SV2C: variants seen among roughly 807,000 people sequenced by gnomAD.
The protein encoded by SV2C is synaptic vesicle glycoprotein 2C.
SV2C carries 49 observed loss-of-function variants against 79.7 expected under a neutral mutation model. The ratio of observed to expected loss-of-function variants is 0.61; its 90% CI spans 0.49 to 0.78. SV2C has a LOEUF of 0.78. Among genes scored for constraint, SV2C ranks in the 30% least tolerant of loss-of-function variants. The pLI, the probability that SV2C is intolerant of heterozygous loss-of-function variation, is 0.00. For missense variants in SV2C, 833 were observed against 912.9 expected (o/e 0.91, Z 1.13); for synonymous variants, 334 against 333.2 (o/e 1.00, Z -0.03).
chr5:75,954,387 G>A, the SV2C span, among the ~76,000 whole-genome samples: 1 of 151,862 alleles, frequency 6.6e-6, no homozygotes, highest in Admixed American at 6.6e-5. Flanking sequence ...TTATTATTTT[G>A]AAATACGTCC....
chr5:75,929,357 C>T, the SV2C span, among the ~76,000 whole-genome samples: 1 of 152,032 alleles, frequency 6.6e-6, no homozygotes. Context: ...CCAGCCCAGC[C>T]CCCTTCCAGA....
At chr5:75,970,639 C>A in the SV2C span, among the ~76,000 whole-genome samples, 2 of 152,160 alleles carry the variant, frequency 1.3e-5, 1 homozygote, top group African/African-American at 4.8e-5. Context: ...AGCTGAATCT[C>A]TGATTAGACC....
At chr5:76,258,665 C>G (rs745619098) in intron 4 of SV2C, among the ~76,000 whole-genome samples, 1 of 152,052 alleles carries the variant, frequency 6.6e-6, no homozygotes, top group Non-Finnish European at 1.5e-5. Context: ...TTGTTGTTAT[C>G]GCACCACTCT....
Position 76,327,221 on chromosome 5 carries a change from G to A in SV2C, c.*1674G>A, listed in dbSNP as rs1027689821. 3 of 151,912 alleles carry A rather than the reference G, an allele frequency of 2.0e-5. No homozygotes were observed. The highest frequency in any genetic ancestry group is 2.9e-5 in the Non-Finnish European group (2 of 68,032). The allele number at this position is 151,912 out of a possible 1,614,324, so 9.4% of individuals were successfully genotyped here. A position where few individuals can be genotyped will look rare whatever the true frequency, so the allele number is the denominator to read the frequency against. On this transcript the variant is annotated 3_prime_UTR_variant, in exon 13 of 13. Transcript: ENST00000502798. ...CTTTCATTAACATAAGCCATTAATCGACTTCCCCTTGAAGTAATTCAGGTC... is the reference window on the plus strand; with the variant it reads ...CTTTCATTAACATAAGCCATTAATCAACTTCCCCTTGAAGTAATTCAGGTC...
chr5:76,326,207 A>G lies in SV2C; in HGVS notation c.*660A>G, dbSNP rs1393992209. The G allele has an allele frequency of 6.6e-6, 1 of 152,244 alleles. No homozygotes were observed. The highest frequency in any genetic ancestry group is 6.5e-5 in the Admixed American group (1 of 15,278). The allele number at this position is 152,244 out of a possible 1,614,324, so 9.4% of individuals were successfully genotyped here. A position where few individuals can be genotyped will look rare whatever the true frequency, so the allele number is the denominator to read the frequency against. On this transcript the variant is annotated 3_prime_UTR_variant, in exon 13 of 13. Coordinates refer to ENST00000502798, the MANE Select transcript of SV2C (RefSeq NM_014979.4). The stretch of plus-strand genomic sequence containing the variant: ...GCTGCATAAGCAAGATTTCTGTCAG[A>G]AAGCCCAATTAAACCTCTGAAAAGT...
intron 4 of SV2C, among the ~76,000 whole-genome samples, chr5:76,228,918 A>G (rs1280223765): frequency 1.3e-5 from 2 of 152,092 alleles, no homozygotes; most frequent in Non-Finnish European, 2.9e-5. Context: ...AGATACCACA[A>G]CCTTAGTGGC....
intron 4 of SV2C, among the ~76,000 whole-genome samples, chr5:76,211,827 C>A (rs1459268525): frequency 6.6e-6 from 1 of 152,090 alleles, no homozygotes; most frequent in African/African-American, 2.4e-5. Context: ...AAAATCATGT[C>A]ACACGCTTTC....
chr5:76,334,281 T>C (rs75819556), downstream of SV2C, among the ~76,000 whole-genome samples: 4,373 of 152,260 alleles, frequency 0.029, 182 homozygotes, highest in African/African-American at 0.087. Flanking sequence ...AGTAGCTGCT[T>C]GGAACAGTGG....
intron 9 of SV2C, among the ~76,000 whole-genome samples, chr5:76,297,713 G>A (rs1747824609): frequency 6.6e-6 from 1 of 152,152 alleles, no homozygotes; most frequent in Non-Finnish European, 1.5e-5. Context: ...ATTGGTCTGT[G>A]AGGCCATGTG....
chr5:76,183,029 C>CATCTTTTTTTTTTTTTTTTTTTTTTTTT lies in SV2C; in HGVS notation c.581-11888_581-11887insCTTTTTTTTTTTTTTTTTTTTTTTTTAT, dbSNP rs1743796958. Among the ~76,000 whole-genome samples, 2 of 47,596 alleles carry CATCTTTTTTTTTTTTTTTTTTTTTTTTT rather than the reference C, an allele frequency of 4.2e-5. 1 individual carries two copies. 31.2% of individuals were successfully genotyped at this position (47,596 alleles called of 152,430 possible). ...ATGACCACATCTCATGAGAACCTAC[C>CATCTTTTTTTTTTTTTTTTTTTTTTTTT]ATTTTTTTTTTTTTTTTTTTTTTTG... On this transcript the variant is annotated intron_variant, in intron 2 of 12. Transcript: ENST00000502798.
the SV2C span, among the ~76,000 whole-genome samples, chr5:75,849,895 CCTTTT>C: frequency 2.2e-4 from 34 of 152,044 alleles, no homozygotes; most frequent in African/African-American, 7.7e-4. Flanking sequence ...CTCTTTTCTT[CCTTTT>C]CTTTTCTTTT....
chr5:75,948,407 C>G, the SV2C span, among the ~76,000 whole-genome samples: 1 of 152,046 alleles, frequency 6.6e-6, no homozygotes, highest in Non-Finnish European at 1.5e-5. Context: ...CATTAAGACA[C>G]TGGAAAGTCA....
chr5:76,317,065 TAGG>T (rs1234543635), intron 12 of SV2C, among the ~76,000 whole-genome samples: 1 of 152,142 alleles, frequency 6.6e-6, no homozygotes, highest in Non-Finnish European at 1.5e-5. Context: ...ATATGTAAAT[TAGG>T]AGTGTATTAA....
chr5:76,084,922 A>G (rs948784083), intron 1 of SV2C, among the ~76,000 whole-genome samples: 1 of 151,938 alleles, frequency 6.6e-6, no homozygotes, highest in East Asian at 1.9e-4. Flanking sequence ...CAGTGCCGGG[A>G]AGGAGCCGCA....
Position 76,300,944 on chromosome 5 carries a change from G to C in SV2C, c.1840+12G>C. The C allele has an allele frequency of 6.2e-7, 1 of 1,613,188 alleles. No homozygotes were observed. The highest frequency in any genetic ancestry group is 8.5e-7 in the Non-Finnish European group (1 of 1,179,454). On this transcript the variant is annotated intron_variant, in intron 11 of 12. Coordinates refer to ENST00000502798, the MANE Select transcript of SV2C (RefSeq NM_014979.4). ...CTTAACAATGCTAGGTATGTACTCAGTTTCATGTCAAATAAAAGAGCTGCC... is the reference window on the plus strand; with the variant it reads ...CTTAACAATGCTAGGTATGTACTCACTTTCATGTCAAATAAAAGAGCTGCC...
At chr5:76,102,857 T>C (rs1035398059) in intron 1 of SV2C, among the ~76,000 whole-genome samples, 4 of 152,214 alleles carry the variant, frequency 2.6e-5, no homozygotes, top group African/African-American at 7.2e-5. Flanking sequence ...CTTTCATTGA[T>C]GTGCTTCTGT....
At chr5:75,945,327 T>TC in the SV2C span, among the ~76,000 whole-genome samples, 1 of 151,572 alleles carries the variant, frequency 6.6e-6, no homozygotes, top group Non-Finnish European at 1.5e-5. Context: ...CTCTCTCTCT[T>TC]TTTTTTTGAC....
intron 12 of SV2C, among the ~76,000 whole-genome samples, chr5:76,308,361 G>A (rs957424591): frequency 6.6e-6 from 1 of 152,150 alleles, no homozygotes; most frequent in Admixed American, 6.5e-5. Flanking sequence ...TTACCACCCA[G>A]CAGGGATGAA....
chr5:76,118,577 A>G (rs1447616319), intron 1 of SV2C, among the ~76,000 whole-genome samples: 1 of 152,136 alleles, frequency 6.6e-6, no homozygotes, highest in Non-Finnish European at 1.5e-5. Flanking sequence ...ATCTCAACTG[A>G]TATTTTCCAG....
Sources: gnomAD v4.1 joint callset for allele counts (sites outside exome capture counted in the v4.1 genomes callset) on GRCh38, gnomAD v4.1.1 for gene constraint, MANE v1.5 for transcripts, NCBI Gene and HGNC (gene_info 2026-07-23, HGNC 2026-07-21) for gene names.